Variants in LHFPL6 observed in about 807,000 individuals in gnomAD.
The protein encoded by LHFPL6 is LHFPL tetraspan subfamily member 6 protein.
In LHFPL6, 9 loss-of-function variants were observed where a neutral mutation model predicts 20.6. The ratio of observed to expected loss-of-function variants is 0.44; its 90% confidence interval spans 0.26 to 0.76. The LOEUF (loss-of-function observed/expected upper bound fraction) is 0.76, where lower values mean the gene tolerates loss of function less well. LHFPL6 is among the 30% of genes least tolerant of loss of function. The probability of loss-of-function intolerance (pLI) is 0.20; values close to 1 mark genes in which losing one functional copy is unlikely to be tolerated. For synonymous variants in LHFPL6, 105 were observed against 98.7 expected (o/e 1.06, Z -0.38); for missense variants, 218 against 253.5 (o/e 0.86, Z 0.95).
At chr13:39,543,933 A>G (rs1233614298) in intron 2 of LHFPL6, among the ~76,000 whole-genome samples, 1 of 152,230 alleles carries the variant, frequency 6.6e-6, no homozygotes, top group Non-Finnish European at 1.5e-5. Flanking sequence ...AAGTCTTGCG[A>G]TTATGAAAAC....
At chr13:39,544,046 T>C (rs1252476144) in intron 2 of LHFPL6, among the ~76,000 whole-genome samples, 1 of 152,186 alleles carries the variant, frequency 6.6e-6, no homozygotes, top group East Asian at 1.9e-4. Context: ...GCAAGAGAGG[T>C]ATAATTTCCA....
intron 2 of LHFPL6, among the ~76,000 whole-genome samples, chr13:39,500,347 T>C (rs1869250488): frequency 6.6e-6 from 1 of 152,042 alleles, no homozygotes; most frequent in South Asian, 2.1e-4. Context: ...GGACTATAGG[T>C]GCATGCCATC....
intron 2 of LHFPL6, among the ~76,000 whole-genome samples, chr13:39,598,805 C>T (rs571027621): frequency 6.6e-6 from 1 of 152,284 alleles, no homozygotes; most frequent in Admixed American, 6.5e-5. Context: ...GATCCACCTG[C>T]CTTGGCCTCC....
At chr13:39,420,970 C>T (rs151051836) in intron 2 of LHFPL6, among the ~76,000 whole-genome samples, 1 of 152,124 alleles carries the variant, frequency 6.6e-6, no homozygotes, top group Non-Finnish European at 1.5e-5. Context: ...TTTTCCCCCC[C>T]CTCAAAACTA....
rs1869297951 is a variant in LHFPL6, at chr13:39,343,360, G to T, written c.*576C>A. On this transcript the variant is annotated 3_prime_UTR_variant, in exon 4 of 4. Coordinates refer to ENST00000379589, the MANE Select transcript of LHFPL6 (RefSeq NM_005780.3). ...TGTATATTAAAAAGAAAACAGAGGAGAAATGCACCACTAAACCTCCCAGTC... is the reference window on the plus strand; with the variant it reads ...TGTATATTAAAAAGAAAACAGAGGATAAATGCACCACTAAACCTCCCAGTC... The T allele has an allele frequency of 4.3e-6, 1 of 229,906 alleles. No individual in the cohort carries two copies. Among genetic ancestry groups the T allele is most frequent in the South Asian group, 1.8e-4 (1 of 5,502 alleles). The allele number at this position is 229,906 out of a possible 1,614,324, so 14.2% of individuals were successfully genotyped here.
chr13:39,502,803 T>C lies in LHFPL6; in HGVS notation c.385+98029A>G, dbSNP rs768020725. ...CAGAAACTCCATTTAATGGGACTTT[T>C]ACAGATTCCTTAACATGACAGTCTC... is the stretch of plus-strand genomic sequence containing the variant. On this transcript the variant is annotated intron_variant, in intron 2 of 3. Transcript: ENST00000379589. Among the ~76,000 whole-genome samples the C allele has an allele frequency of 1.2e-4, 19 of 152,372 alleles. No homozygotes were observed. The South Asian group carries it at 1.7e-3, about 13-fold the overall frequency.
At chr13:39,520,500 T>A (rs1317286183) in intron 2 of LHFPL6, among the ~76,000 whole-genome samples, 1 of 152,022 alleles carries the variant, frequency 6.6e-6, no homozygotes, top group Non-Finnish European at 1.5e-5. Flanking sequence ...TCAATCCCCA[T>A]ATGTAAAAAA....
At chr13:39,509,705 A>T (rs2138472854) in intron 2 of LHFPL6, among the ~76,000 whole-genome samples, 1 of 152,274 alleles carries the variant, frequency 6.6e-6, no homozygotes, top group East Asian at 1.9e-4. Context: ...CACGCCTGTA[A>T]TCCCAGCACT....
chr13:39,352,909 A>ATATATG lies in LHFPL6; in HGVS notation c.485-8856_485-8855insCATATA, dbSNP rs1566091631. 1.8e-3 allele frequency among the ~76,000 whole-genome samples: 75 copies of ATATATG among 42,018 alleles called. 19 individuals are homozygous for ATATATG. The highest frequency in any genetic ancestry group is 2.9e-3 in the Non-Finnish European group (61 of 21,086). The allele number at this position is 42,018 out of a possible 152,430, so 27.6% of individuals were successfully genotyped here. A position where few individuals can be genotyped will look rare whatever the true frequency, so the allele number is the denominator to read the frequency against. ...TATATATATGTGTATATATATATAA[A>ATATATG]TGTATATATATATAAATGTATATAT... On this transcript the variant is annotated intron_variant, in intron 3 of 3. Transcript: ENST00000379589.
In LHFPL6 at chr13:39,403,175, A is replaced by T. The variant is rs556731238; in HGVS notation, c.386-24649T>A. On this transcript the variant is annotated intron_variant, in intron 2 of 3. Transcript: ENST00000379589. ...ATCAATACATTGTGTGAGGTATGGGAGAAGCAATGCTTTTGTCAAGTGGCA... is the reference window on the plus strand; with the variant it reads ...ATCAATACATTGTGTGAGGTATGGGTGAAGCAATGCTTTTGTCAAGTGGCA... Among the ~76,000 whole-genome samples, 81 of 152,350 alleles carry T rather than the reference A, an allele frequency of 5.3e-4. 1 individual carries two copies. In the South Asian group the frequency reaches 9.1e-3, roughly 17 times the overall value.
intron 2 of LHFPL6, among the ~76,000 whole-genome samples, chr13:39,380,817 C>G (rs115476234): frequency 2.6e-5 from 4 of 151,956 alleles, no homozygotes; most frequent in African/African-American, 9.7e-5. Context: ...TGTAGGAGCA[C>G]GAACCCTATT....
At chr13:39,431,902 C>T (rs1186048543) in intron 2 of LHFPL6, among the ~76,000 whole-genome samples, 1 of 152,166 alleles carries the variant, frequency 6.6e-6, no homozygotes, top group Non-Finnish European at 1.5e-5. Flanking sequence ...TCCCTACCCC[C>T]TGCTATGGTC....
At chr13:39,438,648 G>C (rs1872027559) in intron 2 of LHFPL6, among the ~76,000 whole-genome samples, 2 of 152,230 alleles carry the variant, frequency 1.3e-5, no homozygotes, top group South Asian at 4.1e-4. Flanking sequence ...GCTAGGCCCA[G>C]GGCCTCACTG....
chr13:39,467,312 A>G (rs1872828555), intron 2 of LHFPL6, among the ~76,000 whole-genome samples: 1 of 152,154 alleles, frequency 6.6e-6, no homozygotes, highest in Admixed American at 6.5e-5. Context: ...ACATTTGCTG[A>G]ATGAGTGAAT....
chr13:39,560,019 C>A (rs1242940211), intron 2 of LHFPL6, among the ~76,000 whole-genome samples: 1 of 152,170 alleles, frequency 6.6e-6, no homozygotes, highest in Non-Finnish European at 1.5e-5. Context: ...ACCCACAAGA[C>A]CAACTGAGCT....
chr13:39,484,130 A>G (rs1868632628), intron 2 of LHFPL6, among the ~76,000 whole-genome samples: 1 of 152,098 alleles, frequency 6.6e-6, no homozygotes, highest in Non-Finnish European at 1.5e-5. Context: ...ATCATTTCCA[A>G]GTTTTTCCCC....
intron 2 of LHFPL6, among the ~76,000 whole-genome samples, chr13:39,559,870 C>T (rs1356205602): frequency 6.6e-6 from 1 of 152,172 alleles, no homozygotes; most frequent in African/African-American, 2.4e-5. Context: ...CCCCCATTTT[C>T]CCTCCTCTAA....
At chr13:39,396,882 C>T (rs1870855668) in intron 2 of LHFPL6, among the ~76,000 whole-genome samples, 1 of 152,036 alleles carries the variant, frequency 6.6e-6, no homozygotes, top group African/African-American at 2.4e-5. Context: ...TGGAGTCACG[C>T]TGCTTTAAGT....
rs1566095707 is a variant in LHFPL6 at position 39,369,613 on chromosome 13, C to CCTT, written c.484+8814_484+8815insAAG. Among the ~76,000 whole-genome samples the CCTT allele has an allele frequency of 1.1e-3, 7 of 6,158 alleles. No individual in the cohort carries two copies. The Admixed American group carries it at 0.014, about 12-fold the overall frequency. The allele number at this position is 6,158 out of a possible 152,430, so 4.0% of individuals were successfully genotyped here. A position where few individuals can be genotyped will look rare whatever the true frequency, so the allele number is the denominator to read the frequency against. On this transcript the variant is annotated intron_variant, in intron 3 of 3. Transcript: ENST00000379589. ...TTCCTTCCTTCCTCCCTCTCTCCCT[C>CCTT]CCTTCCTTCCCCCTTTCCTTTCCTC...
Sources: allele counts gnomAD v4.1 joint callset (sites outside exome capture counted in the v4.1 genomes callset), GRCh38; gene constraint gnomAD v4.1.1; transcripts MANE v1.5; gene names NCBI Gene and HGNC (gene_info 2026-07-23, HGNC 2026-07-21).